RALYL: variants seen among roughly 807,000 people sequenced by gnomAD.
RALYL encodes RALY RNA binding protein like.
A neutral mutation model predicts 35.1 loss-of-function variants in RALYL; 29 were observed. The ratio of observed to expected loss-of-function variants is 0.83; its 90% CI spans 0.61 to 1.13. The LOEUF is 1.13. Ranked by LOEUF, RALYL falls within the 50% of genes most tolerant of loss-of-function variation. RALYL has a pLI of 0.00. For synonymous variants in RALYL, 120 were observed against 127.6 expected, an observed-to-expected ratio of 0.94 and a Z score of 0.40; for missense variants, 359 against 360.4, an observed-to-expected ratio of 1.00 and a Z score of 0.03.
chr8:84,670,637 AGT>A (rs1426031766), intron 2 of RALYL, among the ~76,000 whole-genome samples: 1 of 152,156 alleles, frequency 6.6e-6, no homozygotes, highest in African/African-American at 2.4e-5. Flanking sequence ...AGCAGGCAAG[AGT>A]GTGTGTGCAG....
intron 6 of RALYL, among the ~76,000 whole-genome samples, chr8:84,866,838 CTG>C (rs943476257): frequency 2.0e-5 from 3 of 151,978 alleles, no homozygotes; most frequent in Non-Finnish European, 4.4e-5. Flanking sequence ...TAATGAAAAA[CTG>C]TGCAGAGTAT....
At chr8:84,472,324 G>A (rs1160760418) in intron 1 of RALYL, among the ~76,000 whole-genome samples, 2 of 152,138 alleles carry the variant, frequency 1.3e-5, no homozygotes, top group East Asian at 1.9e-4. Context: ...AGGACAAAAA[G>A]AGGATGTTGG....
intron 1 of RALYL, among the ~76,000 whole-genome samples, chr8:84,327,572 C>A (rs1276917880): frequency 6.6e-6 from 1 of 152,032 alleles, no homozygotes; most frequent in Admixed American, 6.6e-5. Flanking sequence ...CAGTTGTTTA[C>A]CTTATGTATC....
At chr8:84,621,295 G>A (rs538681682) in intron 2 of RALYL, among the ~76,000 whole-genome samples, 8 of 152,306 alleles carry the variant, frequency 5.3e-5, no homozygotes, top group African/African-American at 1.9e-4. Flanking sequence ...ATATAATCTC[G>A]TGGTCTGCCA....
chr8:84,531,181 CA>C (rs1415619928), intron 2 of RALYL, among the ~76,000 whole-genome samples: 1 of 151,890 alleles, frequency 6.6e-6, no homozygotes, highest in Non-Finnish European at 1.5e-5. Context: ...AAGAAGCATA[CA>C]AAAGAAGCAA....
At position 84,774,950 on chromosome 8, in the gene RALYL, T is replaced by A. The variant is rs569545918; in HGVS notation, c.332+296T>A. 9.9e-5 allele frequency among the ~76,000 whole-genome samples: 15 copies of A among 152,168 alleles called. 1 individual carries two copies. The South Asian group carries it at 3.1e-3, about 32-fold the overall frequency. On this transcript the variant is annotated intron_variant, in intron 3 of 8. Coordinates refer to ENST00000521268, the MANE Select transcript of RALYL (RefSeq NM_173848.7). ...AAGGCCAATGTTGGTTAACTTTTTT[T>A]ATTTTATTTTATTTTTTGAGATGGA...
At chr8:84,241,909 A>C (rs1828002411) in intron 1 of RALYL, among the ~76,000 whole-genome samples, 1 of 152,096 alleles carries the variant, frequency 6.6e-6, no homozygotes, top group Non-Finnish European at 1.5e-5. Context: ...ACATAGGTAA[A>C]CATGGGCCAT....
At chr8:84,892,057 T>C (rs796252920) in intron 8 of RALYL, among the ~76,000 whole-genome samples, 1 of 152,282 alleles carries the variant, frequency 6.6e-6, no homozygotes, top group African/African-American at 2.4e-5. Flanking sequence ...TAGCTGTAGG[T>C]GGTGGTGCCC....
chr8:84,333,064 G>A (rs914775145), intron 1 of RALYL, among the ~76,000 whole-genome samples: 2 of 152,110 alleles, frequency 1.3e-5, no homozygotes, highest in Non-Finnish European at 1.5e-5. Flanking sequence ...AGTCATGATA[G>A]CTACTTTAGA....
At chr8:84,324,283 C>CT (rs948410645) in intron 1 of RALYL, among the ~76,000 whole-genome samples, 2 of 151,584 alleles carry the variant, frequency 1.3e-5, no homozygotes, top group African/African-American at 4.8e-5. Flanking sequence ...CAGTTAATTT[C>CT]TTTTTTTTCC....
At chr8:84,285,797 G>A (rs1837489178) in intron 1 of RALYL, among the ~76,000 whole-genome samples, 1 of 152,210 alleles carries the variant, frequency 6.6e-6, no homozygotes, top group African/African-American at 2.4e-5. Context: ...AGTGAGGTCA[G>A]ACTGAACAAT....
At chr8:84,837,628 A>G (rs1435646469) in intron 4 of RALYL, among the ~76,000 whole-genome samples, 1 of 152,180 alleles carries the variant, frequency 6.6e-6, no homozygotes, top group African/African-American at 2.4e-5. Flanking sequence ...ATTTCAGGAA[A>G]GTTACTTGGT....
chr8:84,524,813 T>C (rs1484412953), intron 1 of RALYL, among the ~76,000 whole-genome samples: 3 of 152,058 alleles, frequency 2.0e-5, no homozygotes, highest in Non-Finnish European at 4.4e-5. Context: ...ATCTTTTAAA[T>C]TAGTTATCAT....
chr8:84,315,311 T>A (rs370980492), intron 1 of RALYL, among the ~76,000 whole-genome samples: 2 of 152,202 alleles, frequency 1.3e-5, no homozygotes, highest in Non-Finnish European at 2.9e-5. Context: ...ATGAAGTCTC[T>A]ATGTACTGAT....
intron 7 of RALYL, among the ~76,000 whole-genome samples, chr8:84,880,823 G>A (rs954972927): frequency 2.6e-5 from 4 of 151,748 alleles, no homozygotes; most frequent in Non-Finnish European, 5.9e-5. Flanking sequence ...GCTTCCTCCC[G>A]AATTCACCTT....
intron 2 of RALYL, among the ~76,000 whole-genome samples, chr8:84,629,892 T>G (rs1171554774): frequency 1.3e-5 from 2 of 152,056 alleles, no homozygotes; most frequent in Non-Finnish European, 2.9e-5. Flanking sequence ...TCCAGAAATT[T>G]TATAAATGAC....
At chr8:84,550,559 G>C (rs2060646453) in intron 2 of RALYL, among the ~76,000 whole-genome samples, 1 of 151,386 alleles carries the variant, frequency 6.6e-6, no homozygotes, top group Non-Finnish European at 1.5e-5. Context: ...CATAGACTTA[G>C]TTAAAATAAT....
chr8:84,741,027 G>A (rs1807168624), intron 2 of RALYL, among the ~76,000 whole-genome samples: 1 of 151,944 alleles, frequency 6.6e-6, no homozygotes, highest in Non-Finnish European at 1.5e-5. Flanking sequence ...ACAGGATGGA[G>A]GGTTTTTTAA....
At chr8:84,559,445 T>G (rs2061344153) in intron 2 of RALYL, among the ~76,000 whole-genome samples, 1 of 152,112 alleles carries the variant, frequency 6.6e-6, no homozygotes, top group Non-Finnish European at 1.5e-5. Flanking sequence ...ATATATTTTT[T>G]AATTTTGAAG....
Sources: allele counts gnomAD v4.1 joint callset (sites outside exome capture counted in the v4.1 genomes callset), GRCh38; gene constraint gnomAD v4.1.1; transcripts MANE v1.5; gene names NCBI Gene and HGNC (gene_info 2026-07-23, HGNC 2026-07-21).